DACH2: variants seen among roughly 807,000 people sequenced by gnomAD.
DACH2 encodes the protein dachshund family transcription factor 2.
DACH2 carries 17 observed loss-of-function variants against 35.8 expected under a neutral mutation model. The ratio of observed to expected loss-of-function variants is 0.48; its 90% CI spans 0.33 to 0.71. The LOEUF is 0.71. DACH2 is among the 30% of genes least tolerant of loss of function. DACH2 has a pLI of 0.02. For synonymous variants in DACH2, 195 were observed against 177.3 expected, an observed-to-expected ratio of 1.10 and a Z score of -0.79; for missense variants, 469 against 472.7, an observed-to-expected ratio of 0.99 and a Z score of 0.07.
intron 1 of DACH2, among the ~76,000 whole-genome samples, chrX:86,243,300 G>T (rs1168758582): frequency 9.0e-6 from 1 of 111,403 alleles, no homozygotes; most frequent in Non-Finnish European, 1.9e-5. Flanking sequence ...TTTGGATTGG[G>T]AATATTTGTC....
intron 2 of DACH2, among the ~76,000 whole-genome samples, chrX:86,418,054 A>G (rs767585998): frequency 9.0e-6 from 1 of 111,669 alleles, no homozygotes; most frequent in Non-Finnish European, 1.9e-5. Flanking sequence ...CTCCAAAATT[A>G]TCTCATTTGA....
intron 3 of DACH2, among the ~76,000 whole-genome samples, chrX:86,650,096 A>T (rs2040460923): frequency 9.0e-6 from 1 of 110,746 alleles, no homozygotes; most frequent in Non-Finnish European, 1.9e-5. Context: ...GTTTCCTTAT[A>T]TATGGTTGTG....
intron 3 of DACH2, among the ~76,000 whole-genome samples, chrX:86,518,844 G>A (rs1237683003): frequency 1.8e-5 from 2 of 112,092 alleles, no homozygotes; most frequent in African/African-American, 6.5e-5. Flanking sequence ...CCTGCAAATG[G>A]AGATATATCA....
chrX:86,605,368 T>G (rs115192846), intron 3 of DACH2, among the ~76,000 whole-genome samples: 5,964 of 111,169 alleles, frequency 0.054, 377 homozygotes, highest in African/African-American at 0.18. Context: ...TTATTTTGCC[T>G]TTTTTCTGAA....
intron 1 of DACH2, among the ~76,000 whole-genome samples, chrX:86,218,793 T>G (rs1256908076): frequency 8.9e-6 from 1 of 112,164 alleles, no homozygotes; most frequent in Non-Finnish European, 1.9e-5. Flanking sequence ...ATATATAGCT[T>G]AAAATCAAAT....
intron 1 of DACH2, among the ~76,000 whole-genome samples, chrX:86,368,307 G>A (rs775265727): frequency 8.1e-5 from 9 of 111,185 alleles, no homozygotes; most frequent in Non-Finnish European, 1.3e-4. Flanking sequence ...TTTTTAGATC[G>A]TAATATTCCT....
chrX:86,719,948 T>C (rs1364155356), intron 6 of DACH2, among the ~76,000 whole-genome samples: 1 of 101,576 alleles, frequency 9.8e-6, no homozygotes, highest in Non-Finnish European at 2.0e-5. Context: ...TTTTTCTTTT[T>C]TTTTTTTTTA....
At chrX:86,600,812 T>C (rs2039779966) in intron 3 of DACH2, among the ~76,000 whole-genome samples, 1 of 111,464 alleles carries the variant, frequency 9.0e-6, no homozygotes, top group East Asian at 2.8e-4. Flanking sequence ...GCCGGATGCT[T>C]GAGACTTAGT....
intron 7 of DACH2, among the ~76,000 whole-genome samples, chrX:86,743,362 T>C (rs1403871529): frequency 1.8e-5 from 2 of 111,364 alleles, no homozygotes; most frequent in Non-Finnish European, 3.8e-5. Flanking sequence ...ATATGAAAAC[T>C]GAGTACAACT....
At chrX:86,155,583 CT>C (rs2030517721) in intron 1 of DACH2, among the ~76,000 whole-genome samples, 1 of 110,744 alleles carries the variant, frequency 9.0e-6, no homozygotes, top group African/African-American at 3.3e-5. Context: ...AGAAACAATG[CT>C]GTCAATTGAT....
At chrX:86,215,802 T>A in intron 1 of DACH2, among the ~76,000 whole-genome samples, 1 of 112,053 alleles carries the variant, frequency 8.9e-6, no homozygotes, top group East Asian at 2.8e-4. Flanking sequence ...TTACCCAAAT[T>A]TCTACAAAAA....
chrX:86,331,064 T>C (rs911719521), intron 1 of DACH2, among the ~76,000 whole-genome samples: 1 of 111,823 alleles, frequency 8.9e-6, no homozygotes, highest in African/African-American at 3.2e-5. Flanking sequence ...GAATTATGAT[T>C]CAAACCAGTT....
intron 2 of DACH2, among the ~76,000 whole-genome samples, chrX:86,451,088 A>T (rs4576572): frequency 9.1e-6 from 1 of 110,177 alleles, no homozygotes; most frequent in East Asian, 2.9e-4. Flanking sequence ...CCAATTTGTC[A>T]AATTTCCTTT....
At chrX:86,304,233 T>G (rs749051143) in intron 1 of DACH2, 2 of 111,834 alleles carry the variant, frequency 1.8e-5, no homozygotes, top group African/African-American at 3.2e-5. Flanking sequence ...GGAGTTGCCC[T>G]GGCGACAGCC....
intron 5 of DACH2, among the ~76,000 whole-genome samples, chrX:86,711,151 A>G (rs1409909633): frequency 8.9e-6 from 1 of 111,927 alleles, no homozygotes; most frequent in African/African-American, 3.2e-5. Context: ...CGAGGCAGGC[A>G]GATCACTTGA....
intron 2 of DACH2, among the ~76,000 whole-genome samples, chrX:86,479,183 C>T (rs1056922054): frequency 2.5e-4 from 28 of 111,292 alleles, no homozygotes; most frequent in African/African-American, 8.8e-4. Context: ...GTTCTTCTGC[C>T]GGTGTGTTCC....
chrX:86,329,765 C>A (rs1482459554), intron 1 of DACH2, among the ~76,000 whole-genome samples: 1 of 111,064 alleles, frequency 9.0e-6, no homozygotes, highest in Non-Finnish European at 1.9e-5. Flanking sequence ...TTTCATTTGA[C>A]GATAGCCTAT....
chrX:86,564,546 T>G (rs2039270026), intron 3 of DACH2, among the ~76,000 whole-genome samples: 1 of 111,504 alleles, frequency 9.0e-6, no homozygotes, highest in African/African-American at 3.3e-5. Context: ...TTAATTCCAG[T>G]GTAATTTACC....
At chrX:86,611,164 A>G (rs1189406368) in intron 3 of DACH2, among the ~76,000 whole-genome samples, 1 of 110,664 alleles carries the variant, frequency 9.0e-6, no homozygotes, top group Non-Finnish European at 1.9e-5. Context: ...CTTGCCTTTA[A>G]GGAAATTGGT....
Sources: gnomAD v4.1 joint callset for allele counts (sites outside exome capture counted in the v4.1 genomes callset) on GRCh38, gnomAD v4.1.1 for gene constraint, MANE v1.5 for transcripts, NCBI Gene and HGNC (gene_info 2026-07-23, HGNC 2026-07-21) for gene names.